Variants in CLK4 observed in about 807,000 individuals in gnomAD.
CLK4 encodes the protein CDC like kinase 4.
CLK4 carries 37 observed loss-of-function variants against 64.4 expected under a neutral mutation model. The ratio of observed to expected loss-of-function variants is 0.57; its 90% confidence interval spans 0.44 to 0.76. The LOEUF is 0.76. Among genes scored for constraint, CLK4 ranks in the 30% least tolerant of loss-of-function variants. CLK4 has a pLI of 0.00. For synonymous variants in CLK4, 175 were observed against 191.6 expected (o/e 0.91, Z 0.72); for missense variants, 457 against 605.1 (o/e 0.76, Z 2.57).
At chr5:178,611,670 T>C (rs1463578118) in intron 9 of CLK4, among the ~76,000 whole-genome samples, 3 of 152,188 alleles carry the variant, frequency 2.0e-5, no homozygotes, top group Non-Finnish European at 4.4e-5. Context: ...CCAAGTCCCG[T>C]TGGACACACA....
In CLK4 at chr5:178,623,753, G is replaced by GC. The variant is rs113911133; in HGVS notation, c.1-338dup. Among the ~76,000 whole-genome samples, 36 of 152,074 alleles carry GC rather than the reference G, an allele frequency of 2.4e-4. No homozygotes were observed. The South Asian group carries it at 5.6e-3, about 24-fold the overall frequency. On this transcript the variant is annotated intron_variant, in intron 1 of 12. Coordinates refer to ENST00000316308, the MANE Select transcript of CLK4 (RefSeq NM_020666.3). ...AAAAATTAAAAAAAAGCCGGGGGGG[G>GC]CAAATAAAAAGGTTCAGGCCTAGTG...
intron 9 of CLK4, 129 bp from the exon 10 acceptor site, chr5:178,608,587 T>G: frequency 1.7e-6 from 1 of 587,948 alleles, no homozygotes; most frequent in Non-Finnish European, 3.0e-6. Context: ...AATTCAGGGT[T>G]TATAGTTCTA....
intron 9 of CLK4, among the ~76,000 whole-genome samples, chr5:178,611,230 T>G (rs1342617361): frequency 6.6e-6 from 1 of 152,204 alleles, no homozygotes; most frequent in Non-Finnish European, 1.5e-5. Flanking sequence ...ATCTATTGCC[T>G]TCTAATCTCT....
chr5:178,612,405 T>C lies in CLK4; in HGVS notation c.1051+11A>G, dbSNP rs917481594. The C allele has an allele frequency of 5.7e-6, 9 of 1,592,916 alleles. No individual in the cohort carries two copies. In the African/African-American group the frequency reaches 1.2e-4, roughly 21 times the overall value. On this transcript the variant is annotated intron_variant, in intron 9 of 12. Transcript: ENST00000316308. ...TCAATTATAATATTAGAAAGCCTGGTGTCTACTGACCCAAAATGACCTCGG... is the reference window on the plus strand; with the variant it reads ...TCAATTATAATATTAGAAAGCCTGGCGTCTACTGACCCAAAATGACCTCGG...
intron 2 of CLK4, 72 bp from the exon 3 acceptor site, chr5:178,618,850 C>T: frequency 3.3e-6 from 4 of 1,229,698 alleles, no homozygotes; most frequent in Non-Finnish European, 4.6e-6. Flanking sequence ...AAAACATTTT[C>T]TCAGAAATTC....
intron 9 of CLK4, among the ~76,000 whole-genome samples, chr5:178,609,640 G>A (rs191002507): frequency 1.1e-4 from 17 of 149,520 alleles, no homozygotes; most frequent in East Asian, 9.8e-4. Context: ...CTGAGATTGC[G>A]CCACTGCACT....
chr5:178,611,633 T>C (rs1023355731), intron 9 of CLK4, among the ~76,000 whole-genome samples: 1 of 152,186 alleles, frequency 6.6e-6, no homozygotes, highest in Non-Finnish European at 1.5e-5. Context: ...TATCAAGAGT[T>C]TGCTTTTACA....
chr5:178,618,875 CA>C, intron 2 of CLK4, 97 bp from the exon 3 acceptor site: 2 of 855,760 alleles, frequency 2.3e-6, no homozygotes, highest in Non-Finnish European at 3.6e-6. Flanking sequence ...ACAGCTAACT[CA>C]ATATAAGAAA....
At chr5:178,606,795 C>T (rs1013889575) in intron 10 of CLK4, among the ~76,000 whole-genome samples, 14 of 151,926 alleles carry the variant, frequency 9.2e-5, no homozygotes, top group African/African-American at 3.4e-4. Context: ...AAACCCTCTA[C>T]TAAAAATACA....
chr5:178,617,614 G>T lies in CLK4; in HGVS notation c.385-180C>A. ...AGTCCCCAGAAATTCACAGGGCACAGTTTATGTTACAGAAGAAAAACATGG... is the reference window on the plus strand; with the variant it reads ...AGTCCCCAGAAATTCACAGGGCACATTTTATGTTACAGAAGAAAAACATGG... On this transcript the variant is annotated intron_variant, in intron 3 of 12. Coordinates refer to ENST00000316308, the MANE Select transcript of CLK4 (RefSeq NM_020666.3). This position sits in a 1 kb window ranked among gnomAD's most constrained non-coding sequence, Gnocchi z 5.2. The T allele has an allele frequency of 1.7e-6, 1 of 593,748 alleles. No individual in the cohort carries two copies. Among genetic ancestry groups the T allele is most frequent in the Non-Finnish European group, 2.5e-6 (1 of 396,928 alleles). The allele number at this position is 593,748 out of a possible 1,614,324, so 36.8% of individuals were successfully genotyped here.
At position 178,613,746 on chromosome 5, in the gene CLK4, T is replaced by C. The variant is rs760483877; in HGVS notation, c.640A>G (p.Thr214Ala). Residue 214 changes from threonine (T) to alanine (A), a missense_variant, in exon 6 of 13, where the codon ACT (threonine) becomes GCT (alanine). Thr to Ala is a moderately conservative substitution (Grantham distance 58, BLOSUM62 0). Transcript: ENST00000316308. ...ACTTACAAGACACTATTGGGATCAG[T>C]ACTATTTAAGTGCTCTAATACTTGG... is the stretch of plus-strand genomic sequence containing the variant. ...EIQVLEHLNS[T>A]DPNSVFRCVQ... 3.1e-6 allele frequency: 5 copies of C among 1,613,518 alleles called. No individual in the cohort carries two copies. The highest frequency in any genetic ancestry group is 4.2e-6 in the Non-Finnish European group (5 of 1,179,440).
intron 2 of CLK4, chr5:178,622,950 G>A (rs2113815257): frequency 3.5e-6 from 1 of 289,572 alleles, no homozygotes; most frequent in East Asian, 1.1e-4. Flanking sequence ...CTTTTTGTGT[G>A]TCATCTCCCT....
chr5:178,605,658 A>G (rs1470028820), intron 10 of CLK4, among the ~76,000 whole-genome samples: 3 of 152,242 alleles, frequency 2.0e-5, no homozygotes, highest in Non-Finnish European at 4.4e-5. Context: ...AACAATTCTG[A>G]GCTAGGTATG....
chr5:178,611,359 C>T (rs1369081350), intron 9 of CLK4, among the ~76,000 whole-genome samples: 2 of 152,128 alleles, frequency 1.3e-5, no homozygotes, highest in African/African-American at 4.8e-5. Context: ...AAGACAAGCT[C>T]TAGAGTTGTG....
intron 10 of CLK4, chr5:178,605,958 A>G (rs1764461567): frequency 6.6e-6 from 1 of 152,250 alleles, no homozygotes; most frequent in South Asian, 2.1e-4. Context: ...AACAGGCACC[A>G]GGCAGGATTT....
In CLK4 at chr5:178,603,142, T is replaced by C. The variant is rs1451574227; in HGVS notation, c.*475A>G. The C allele has an allele frequency of 6.5e-6, 1 of 152,694 alleles. No individual in the cohort carries two copies. The highest frequency in any genetic ancestry group is 1.9e-4 in the East Asian group (1 of 5,208). The allele number at this position is 152,694 out of a possible 1,614,324, so 9.5% of individuals were successfully genotyped here. On this transcript the variant is annotated 3_prime_UTR_variant, in exon 13 of 13. Coordinates refer to ENST00000316308, the MANE Select transcript of CLK4 (RefSeq NM_020666.3). Reference sequence around the variant, plus strand: ...TAGAATTCTAACAGTAAACATTTTCTGAGTTTTGGTTTCTAGTACCTGCTT... The same window carrying C: ...TAGAATTCTAACAGTAAACATTTTCCGAGTTTTGGTTTCTAGTACCTGCTT...
chr5:178,604,934 A>T lies in CLK4; in HGVS notation c.1214+369T>A, dbSNP rs191018078. The T allele has an allele frequency of 2.0e-3, 310 of 154,326 alleles. 1 individual carries two copies. The highest frequency in any genetic ancestry group is 7.2e-3 in the African/African-American group (301 of 41,612). 9.6% of individuals were successfully genotyped at this position (154,326 alleles called of 1,614,324 possible). A position where few individuals can be genotyped will look rare whatever the true frequency, so the allele number is the denominator to read the frequency against. ...CACCTGAGGTCAGGAGTTCAAGACC[A>T]GCCTGACTAACACGGTGAAACCCCA... is the stretch of plus-strand genomic sequence containing the variant. On this transcript the variant is annotated intron_variant, in intron 11 of 12. Transcript: ENST00000316308.
intron 5 of CLK4, among the ~76,000 whole-genome samples, 192 bp downstream of exon 5, chr5:178,616,690 A>G (rs1764631977): frequency 6.6e-6 from 1 of 152,024 alleles, no homozygotes; most frequent in Admixed American, 6.6e-5. Flanking sequence ...CAGCTACTTG[A>G]GAGGCTGAAG....
intron 2 of CLK4, chr5:178,622,509 T>A (rs778093855): frequency 9.9e-6 from 8 of 810,984 alleles, no homozygotes; most frequent in Non-Finnish European, 1.0e-5. Context: ...AAAAGGGAAA[T>A]TAATGAAAGA....
Sources: allele counts gnomAD v4.1 joint callset (sites outside exome capture counted in the v4.1 genomes callset), GRCh38; gene constraint gnomAD v4.1.1; non-coding constraint Gnocchi (gnomAD v3.1); transcripts MANE v1.5; gene names NCBI Gene and HGNC (gene_info 2026-07-23, HGNC 2026-07-21).